The following EGFLAM variants were observed in gnomAD, a reference collection of about 807,000 sequenced individuals.
EGFLAM encodes the protein EGF like, fibronectin type III and laminin G domains.
A neutral mutation model predicts 113.1 loss-of-function variants in EGFLAM; 79 were observed. That is an observed-to-expected ratio of 0.70 (90% confidence interval 0.58 to 0.84). The LOEUF is 0.84. EGFLAM is among the 40% of genes least tolerant of loss of function. EGFLAM has a pLI of 0.00. For synonymous variants in EGFLAM, 504 were observed against 487.6 expected (o/e 1.03, Z -0.44); for missense variants, 1,265 against 1,291.6 (o/e 0.98, Z 0.32).
intron 12 of EGFLAM, among the ~76,000 whole-genome samples, chr5:38,422,003 AGGT>A (rs903075709): frequency 6.6e-6 from 1 of 152,062 alleles, no homozygotes; most frequent in Non-Finnish European, 1.5e-5. Context: ...GGTGTGATCC[AGGT>A]GGTGGTGGTG....
At chr5:38,405,949 G>A (rs1369530182) in intron 6 of EGFLAM, 177 bp from the exon 7 acceptor site, 228 of 616,780 alleles carry the variant, frequency 3.7e-4, no homozygotes, top group Non-Finnish European at 5.3e-5. Context: ...CTTATGAGAG[G>A]AAACTTTTTT....
chr5:38,334,314 C>CT (rs1461196887), intron 1 of EGFLAM, among the ~76,000 whole-genome samples: 1 of 152,174 alleles, frequency 6.6e-6, no homozygotes, highest in Non-Finnish European at 1.5e-5. Context: ...CAAGAGAAAT[C>CT]TATTTTTCAC....
intron 20 of EGFLAM, among the ~76,000 whole-genome samples, chr5:38,461,638 G>A (rs2112295952): frequency 6.6e-6 from 1 of 152,244 alleles, no homozygotes; most frequent in East Asian, 1.9e-4. Context: ...CAAAGATGGG[G>A]ACAGAACAAG....
At chr5:38,355,513 C>T (rs1033067095) in intron 5 of EGFLAM, among the ~76,000 whole-genome samples, 2 of 152,132 alleles carry the variant, frequency 1.3e-5, no homozygotes, top group African/African-American at 4.8e-5. Flanking sequence ...GCATCGGCTA[C>T]AATCTCCTTG....
At chr5:38,456,926 G>A (rs891659283) in intron 19 of EGFLAM, among the ~76,000 whole-genome samples, 6 of 152,196 alleles carry the variant, frequency 3.9e-5, no homozygotes, top group South Asian at 2.1e-4. Context: ...CCCAGTGCCC[G>A]GGCTAGAGTA....
intron 19 of EGFLAM, among the ~76,000 whole-genome samples, chr5:38,456,880 T>C (rs781434093): frequency 3.9e-5 from 6 of 152,234 alleles, no homozygotes; most frequent in Non-Finnish European, 5.9e-5. Context: ...TGGCCTAGGC[T>C]TTATTGTATT....
chr5:38,448,072 G>A (rs1201838569), intron 17 of EGFLAM, among the ~76,000 whole-genome samples: 3 of 152,186 alleles, frequency 2.0e-5, no homozygotes, highest in Non-Finnish European at 4.4e-5. Flanking sequence ...TGAGGCCAGA[G>A]GCAGGGACAA....
chr5:38,281,475 G>A (rs905255576), intron 1 of EGFLAM, among the ~76,000 whole-genome samples: 7 of 152,160 alleles, frequency 4.6e-5, no homozygotes, highest in African/African-American at 1.7e-4. Context: ...TTTATCTGAA[G>A]TTCAAATTTA....
At chr5:38,306,707 G>A (rs1443579550) in intron 1 of EGFLAM, among the ~76,000 whole-genome samples, 2 of 152,104 alleles carry the variant, frequency 1.3e-5, no homozygotes, top group African/African-American at 2.4e-5. Flanking sequence ...GCCTCCTGTG[G>A]GTATCCACAC....
intron 1 of EGFLAM, among the ~76,000 whole-genome samples, chr5:38,315,332 G>T (rs1048924167): frequency 6.6e-6 from 1 of 152,030 alleles, no homozygotes; most frequent in Non-Finnish European, 1.5e-5. Flanking sequence ...AATTCATCAC[G>T]CTTTATTGTG....
chr5:38,402,351 A>G (rs1741142920), intron 6 of EGFLAM, among the ~76,000 whole-genome samples: 1 of 152,250 alleles, frequency 6.6e-6, no homozygotes, highest in Non-Finnish European at 1.5e-5. Flanking sequence ...TGAGCAAGTT[A>G]TTTAATCTCT....
chr5:38,406,173 G>A lies in EGFLAM; in HGVS notation c.760G>A (p.Asp254Asn), dbSNP rs147796862. 702 of 1,614,160 alleles carry A rather than the reference G, an allele frequency of 4.3e-4. 1 individual carries two copies. Among genetic ancestry groups the A allele is most frequent in the Non-Finnish European group, 5.2e-4 (616 of 1,180,022 alleles). Residue 254 changes from aspartate to asparagine, a missense_variant, in exon 7 of 22, where the codon GAC becomes AAC. Coordinates refer to ENST00000322350, the MANE Select transcript of EGFLAM (RefSeq NM_152403.4). ...CCGCTATGGACCCCGTTATATCACC[G>A]ACATGGGAGCTGGTGAGGATGATGA... ...SGRYGPRYIT[D>N]MGAGEDDEGF... is the part of the protein sequence containing the mutation.
chr5:38,422,013 G>A (rs1741840463), intron 12 of EGFLAM, among the ~76,000 whole-genome samples: 1 of 152,100 alleles, frequency 6.6e-6, no homozygotes, highest in Admixed American at 6.5e-5. Flanking sequence ...AGGTGGTGGT[G>A]GTGGTAGAAA....
Position 38,458,295 on chromosome 5 carries a change from T to A in EGFLAM, c.2688-16T>A. ...TTTTATTCTGTTCTCTGTCTTCTTC[T>A]TCTCCAATGCCTTAGCTATAACCTG... On this transcript the variant is annotated splice_polypyrimidine_tract_variant and intron_variant, in intron 19 of 21. Transcript: ENST00000322350. 6.2e-7 allele frequency: 1 copy of A among 1,611,868 alleles called. No individual in the cohort carries two copies. The highest frequency in any genetic ancestry group is 1.7e-4 in the Middle Eastern group (1 of 6,056).
At chr5:38,375,428 C>A (rs1740340867) in intron 6 of EGFLAM, among the ~76,000 whole-genome samples, 2 of 152,186 alleles carry the variant, frequency 1.3e-5, no homozygotes, top group African/African-American at 4.8e-5. Flanking sequence ...GCTCCTTGAA[C>A]AGCCACCTTC....
At chr5:38,431,090 C>G in intron 14 of EGFLAM, 87 bp from the exon 15 acceptor site, 3 of 1,175,888 alleles carry the variant, frequency 2.6e-6, no homozygotes, top group Non-Finnish European at 3.7e-6. Context: ...CAGACACACC[C>G]AGAAATAATG....
chr5:38,353,051 T>C (rs960103597), intron 5 of EGFLAM, among the ~76,000 whole-genome samples: 3 of 152,198 alleles, frequency 2.0e-5, no homozygotes, highest in Non-Finnish European at 4.4e-5. Context: ...GGACAACCCA[T>C]TGTTTCTTTC....
chr5:38,381,377 C>T (rs1374197986), intron 6 of EGFLAM, among the ~76,000 whole-genome samples: 1 of 152,154 alleles, frequency 6.6e-6, no homozygotes, highest in Non-Finnish European at 1.5e-5. Context: ...ATAGGAGGGA[C>T]GCGGTGCATG....
At chr5:38,315,855 C>T (rs570530266) in intron 1 of EGFLAM, among the ~76,000 whole-genome samples, 1 of 152,070 alleles carries the variant, frequency 6.6e-6, no homozygotes, top group Admixed American at 6.5e-5. Flanking sequence ...GCAGGTGGAC[C>T]ACCTGAGGTC....
Sources: gnomAD v4.1 joint callset for allele counts (sites outside exome capture counted in the v4.1 genomes callset) on GRCh38, gnomAD v4.1.1 for gene constraint, MANE v1.5 for transcripts, NCBI Gene and HGNC (gene_info 2026-07-23, HGNC 2026-07-21) for gene names.